ARHGEF10: variants seen among roughly 807,000 people sequenced by gnomAD.
The protein encoded by ARHGEF10 is Rho guanine nucleotide exchange factor 10, also known as Rho guanine nucleotide exchange factor (GEF) 10.
In ARHGEF10, 140 loss-of-function variants were observed where a neutral mutation model predicts 147.4. The ratio of observed to expected loss-of-function variants is 0.95; its 90% CI spans 0.83 to 1.09. ARHGEF10 has a LOEUF of 1.09. Among genes scored for constraint, ARHGEF10 ranks in the 50% least tolerant of loss-of-function variants. The probability of loss-of-function intolerance (pLI) is 0.00; values close to 1 mark genes in which losing one functional copy is unlikely to be tolerated. For missense variants in ARHGEF10, 2,222 were observed against 1,752.7 expected, an observed-to-expected ratio of 1.27 and a Z score of -4.78; for synonymous variants, 902 against 695.8, an observed-to-expected ratio of 1.30 and a Z score of -4.67.
intron 27 of ARHGEF10, among the ~76,000 whole-genome samples, chr8:1,949,687 C>A (rs1204092484): frequency 1.3e-5 from 2 of 151,846 alleles, no homozygotes; most frequent in Non-Finnish European, 1.5e-5. Context: ...AGACAAAAAA[C>A]GTGTAACTTT....
At chr8:1,826,622 C>T (rs1254204820) in intron 1 of ARHGEF10, among the ~76,000 whole-genome samples, 3 of 152,128 alleles carry the variant, frequency 2.0e-5, no homozygotes, top group Non-Finnish European at 4.4e-5. Context: ...CTGCTTAAAA[C>T]AAAGATGTTT....
intron 25 of ARHGEF10, 27 bp downstream of exon 25, chr8:1,929,470 C>T: frequency 1.3e-6 from 2 of 1,588,916 alleles, no homozygotes; most frequent in Non-Finnish European, 1.7e-6. Context: ...GGCCTCCTGG[C>T]CGGTCCTTGG....
chr8:1,906,150 A>C (rs997871565), intron 17 of ARHGEF10, among the ~76,000 whole-genome samples: 1 of 152,238 alleles, frequency 6.6e-6, no homozygotes, highest in African/African-American at 2.4e-5. Flanking sequence ...TTCACTTAAA[A>C]TAGTTTTACA....
chr8:1,954,366 C>T (rs1281935246), intron 28 of ARHGEF10, among the ~76,000 whole-genome samples: 1 of 152,056 alleles, frequency 6.6e-6, no homozygotes, highest in Non-Finnish European at 1.5e-5. Context: ...GCTCCAAATT[C>T]TGTGTCGACG....
chr8:1,855,011 G>A (rs1055381072), intron 2 of ARHGEF10, among the ~76,000 whole-genome samples: 2 of 152,090 alleles, frequency 1.3e-5, no homozygotes, highest in East Asian at 1.9e-4. Flanking sequence ...GAGGGGCCTC[G>A]GTGTCTCCTC....
chr8:1,844,930 T>C (rs538917509), intron 2 of ARHGEF10, among the ~76,000 whole-genome samples: 1 of 152,060 alleles, frequency 6.6e-6, no homozygotes, highest in South Asian at 2.1e-4. Flanking sequence ...TAATAATAAT[T>C]AGTTGTAATA....
chr8:1,837,702 C>G (rs1319177620), intron 1 of ARHGEF10, among the ~76,000 whole-genome samples: 1 of 152,182 alleles, frequency 6.6e-6, no homozygotes, highest in Non-Finnish European at 1.5e-5. Context: ...GGCCCTGCCA[C>G]TTGCTCACCA....
chr8:1,832,706 G>A (rs1457040257), intron 1 of ARHGEF10, among the ~76,000 whole-genome samples: 1 of 25,564 alleles, frequency 3.9e-5, no homozygotes, highest in Non-Finnish European at 7.8e-5. Context: ...ACAGGCAGAG[G>A]CAGAGACAGA....
intron 10 of ARHGEF10, among the ~76,000 whole-genome samples, chr8:1,884,184 G>A (rs558731726): frequency 6.6e-6 from 1 of 152,248 alleles, no homozygotes; most frequent in Admixed American, 6.5e-5. Flanking sequence ...ACGAGGTCAG[G>A]AGATCAAGAC....
chr8:1,887,776 GA>G, intron 11 of ARHGEF10, among the ~76,000 whole-genome samples: 1 of 119,846 alleles, frequency 8.3e-6, no homozygotes, highest in African/African-American at 3.1e-5. Flanking sequence ...TGAGGGTTGT[GA>G]TGAGACAGTG....
Position 1,867,940 on chromosome 8 carries a change from CAGG to C in ARHGEF10, c.623-1252_623-1250del, listed in dbSNP as rs1806761723. ...TGATTCCGCTGTGTGCCTATTAAAG[CAGG>C]ATCGTTACAGGATTAAATTATTGTC... On this transcript the variant is annotated intron_variant, in intron 6 of 28. Coordinates refer to ENST00000349830, the MANE Select transcript of ARHGEF10 (RefSeq NM_014629.4). Among the ~76,000 whole-genome samples, 3 of 152,194 alleles carry C rather than the reference CAGG, an allele frequency of 2.0e-5. No homozygotes were observed. The South Asian group carries it at 6.2e-4, about 32-fold the overall frequency.
At chr8:1,955,333 T>C (rs12115026) in intron 28 of ARHGEF10, among the ~76,000 whole-genome samples, 14,021 of 103,182 alleles carry the variant, frequency 0.14, 192 homozygotes, top group East Asian at 0.23. Context: ...TAAAAGGAGG[T>C]GCACTCACTG....
intron 2 of ARHGEF10, among the ~76,000 whole-genome samples, chr8:1,844,160 C>CAGGGAAT (rs1317536182): frequency 6.6e-6 from 1 of 151,980 alleles, no homozygotes; most frequent in East Asian, 1.9e-4. Context: ...CTGTGGAGGT[C>CAGGGAAT]ACGGAATTAA....
intron 9 of ARHGEF10, 120 bp from the exon 10 acceptor site, chr8:1,882,515 A>G (rs1054887324): frequency 1.9e-5 from 16 of 856,496 alleles, no homozygotes; most frequent in Non-Finnish European, 3.1e-5. Flanking sequence ...CCAGAACTGC[A>G]CGTGACACAT....
chr8:1,845,935 C>T lies in ARHGEF10; in HGVS notation c.37+2499C>T, dbSNP rs371444160. On this transcript the variant is annotated intron_variant, in intron 2 of 28. Coordinates refer to ENST00000349830, the MANE Select transcript of ARHGEF10 (RefSeq NM_014629.4). ...TGGGGCTGGGGGTGTCTCCATAGCCCCTCCCTCTGCCCAGATTTCGACCCA... is the reference window on the plus strand; with the variant it reads ...TGGGGCTGGGGGTGTCTCCATAGCCTCTCCCTCTGCCCAGATTTCGACCCA... Among the ~76,000 whole-genome samples the T allele has an allele frequency of 1.1e-4, 16 of 152,316 alleles. No homozygotes were observed. In the East Asian group the frequency reaches 1.7e-3, roughly 17 times the overall value.
At chr8:1,888,815 T>G (rs1809064444) in intron 11 of ARHGEF10, among the ~76,000 whole-genome samples, 1 of 64,656 alleles carries the variant, frequency 1.5e-5, no homozygotes, top group Non-Finnish European at 2.8e-5. Context: ...CTGAGTGGGG[T>G]GAGAGTTATG....
At chr8:1,850,621 C>T (rs1158603676) in intron 2 of ARHGEF10, among the ~76,000 whole-genome samples, 1 of 152,086 alleles carries the variant, frequency 6.6e-6, no homozygotes, top group African/African-American at 2.4e-5. Context: ...GGGGCAGCCG[C>T]GTGGGAGGGC....
chr8:1,891,816 A>T (rs1183092607), intron 11 of ARHGEF10, among the ~76,000 whole-genome samples: 7 of 152,008 alleles, frequency 4.6e-5, no homozygotes, highest in Non-Finnish European at 5.9e-5. Context: ...AGAAAGACTG[A>T]CATCACGTGC....
At position 1,925,514 on chromosome 8, in the gene ARHGEF10, G is replaced by T. The variant is rs988090382; in HGVS notation, c.2610+110G>T. On this transcript the variant is annotated intron_variant, in intron 22 of 28. Coordinates refer to ENST00000349830, the MANE Select transcript of ARHGEF10 (RefSeq NM_014629.4). ...CGTGGTCAGAACATGGTCCTCCCAG[G>T]TTCACCACAGTGACCGCTTCTCTAG... 5.6e-6 allele frequency: 8 copies of T among 1,440,000 alleles called. No homozygotes were observed. The Admixed American group carries it at 7.8e-5, about 14-fold the overall frequency. The allele number at this position is 1,440,000 out of a possible 1,614,324, so 89.2% of individuals were successfully genotyped here. A position where few individuals can be genotyped will look rare whatever the true frequency, so the allele number is the denominator to read the frequency against.
Sources: gnomAD v4.1 joint callset for allele counts (sites outside exome capture counted in the v4.1 genomes callset) on GRCh38, gnomAD v4.1.1 for gene constraint, MANE v1.5 for transcripts, NCBI Gene and HGNC (gene_info 2026-07-23, HGNC 2026-07-21) for gene names.